The following RFX3 variants were observed in gnomAD, a reference collection of about 807,000 sequenced individuals.
RFX3 encodes transcription factor RFX3.
RFX3 carries 14 observed loss-of-function variants against 98.6 expected under a neutral mutation model. The ratio of observed to expected loss-of-function variants is 0.14; its 90% CI spans 0.09 to 0.22. The LOEUF is 0.22. Among genes scored for constraint, RFX3 ranks in the 10% least tolerant of loss-of-function variants. RFX3 has a pLI of 1.00. For synonymous variants in RFX3, 383 were observed against 328.4 expected, an observed-to-expected ratio of 1.17 and a Z score of -1.80; for missense variants, 639 against 926.9, an observed-to-expected ratio of 0.69 and a Z score of 4.03.
intron 2 of RFX3, among the ~76,000 whole-genome samples, chr9:3,378,307 T>G (rs1020820615): frequency 2.6e-5 from 4 of 152,162 alleles, no homozygotes; most frequent in African/African-American, 9.7e-5. Flanking sequence ...GTAAGCTATA[T>G]GTGGAAAAAT....
chr9:3,483,329 T>C (rs535772519), intron 1 of RFX3, among the ~76,000 whole-genome samples: 2 of 152,256 alleles, frequency 1.3e-5, no homozygotes, highest in Non-Finnish European at 2.9e-5. Context: ...CACCAAGATA[T>C]GTCCAATCTA....
chr9:3,351,708 A>C (rs941191261), intron 2 of RFX3, among the ~76,000 whole-genome samples: 1 of 152,026 alleles, frequency 6.6e-6, no homozygotes, highest in African/African-American at 2.4e-5. Flanking sequence ...AAATGTTAAA[A>C]GCTCAACATT....
At chr9:3,378,211 T>G (rs1838761692) in intron 2 of RFX3, among the ~76,000 whole-genome samples, 1 of 152,194 alleles carries the variant, frequency 6.6e-6, no homozygotes, top group African/African-American at 2.4e-5. Flanking sequence ...ATCTTCAAAT[T>G]GTTACATGAC....
At chr9:3,465,856 A>C (rs1035491905) in intron 1 of RFX3, among the ~76,000 whole-genome samples, 1 of 152,128 alleles carries the variant, frequency 6.6e-6, no homozygotes, top group African/African-American at 2.4e-5. Context: ...AGATAGGGGA[A>C]CTTGACTATT....
intron 1 of RFX3, among the ~76,000 whole-genome samples, chr9:3,521,516 G>A (rs1411399586): frequency 1.3e-5 from 2 of 151,992 alleles, no homozygotes; most frequent in African/African-American, 4.8e-5. Context: ...AGCACCCTCT[G>A]GTGCATCTGT....
At chr9:3,376,816 T>A (rs1007648806) in intron 2 of RFX3, among the ~76,000 whole-genome samples, 2 of 152,078 alleles carry the variant, frequency 1.3e-5, no homozygotes, top group Non-Finnish European at 1.5e-5. Context: ...AAGAAGACAT[T>A]TATGCAGCCA....
At chr9:3,383,545 CAA>C (rs201892204) in intron 2 of RFX3, among the ~76,000 whole-genome samples, 1 of 137,902 alleles carries the variant, frequency 7.3e-6, no homozygotes, top group African/African-American at 2.6e-5. Flanking sequence ...GACTCTTGGC[CAA>C]AAAAAAAAAA....
At chr9:3,270,069 A>G (rs1435416446) in intron 11 of RFX3, among the ~76,000 whole-genome samples, 2 of 147,288 alleles carry the variant, frequency 1.4e-5, no homozygotes, top group African/African-American at 5.1e-5. Context: ...AAAAAGAAAG[A>G]AAGAGAAAGA....
intron 3 of RFX3, among the ~76,000 whole-genome samples, chr9:3,336,378 A>G (rs1029907173): frequency 1.3e-5 from 2 of 152,154 alleles, no homozygotes; most frequent in Admixed American, 1.3e-4. Context: ...TAAGATAATT[A>G]GAAGTTTTCC....
intron 1 of RFX3, among the ~76,000 whole-genome samples, chr9:3,460,891 G>A (rs1005082760): frequency 6.6e-6 from 1 of 151,792 alleles, no homozygotes; most frequent in Non-Finnish European, 1.5e-5. Context: ...TATTACATAT[G>A]TAACAGAGAA....
intron 15 of RFX3, among the ~76,000 whole-genome samples, chr9:3,233,877 A>G (rs552029162): frequency 7.9e-5 from 12 of 152,316 alleles, no homozygotes; most frequent in African/African-American, 2.9e-4. Flanking sequence ...CAATATTGTT[A>G]TTATGTATAA....
intron 1 of RFX3, among the ~76,000 whole-genome samples, chr9:3,443,229 T>G (rs140526007): frequency 2.0e-5 from 3 of 152,348 alleles, no homozygotes; most frequent in Admixed American, 6.5e-5. Flanking sequence ...GCGGTATATG[T>G]GCAGGATGTG....
intron 1 of RFX3, among the ~76,000 whole-genome samples, chr9:3,504,949 A>ATATT (rs1564185962): frequency 1.7e-4 from 4 of 23,536 alleles, no homozygotes; most frequent in African/African-American, 5.6e-4. Flanking sequence ...TATATAATAT[A>ATATT]ATATATATTA....
At chr9:3,474,757 C>T (rs976772546) in intron 1 of RFX3, among the ~76,000 whole-genome samples, 2 of 152,154 alleles carry the variant, frequency 1.3e-5, no homozygotes, top group African/African-American at 2.4e-5. Context: ...TGCAACAATA[C>T]ACCATTAGAA....
chr9:3,269,597 A>G (rs909528933), intron 11 of RFX3, among the ~76,000 whole-genome samples: 1 of 152,162 alleles, frequency 6.6e-6, no homozygotes, highest in Non-Finnish European at 1.5e-5. Flanking sequence ...GGTAGCGTTT[A>G]TATCGATACT....
At chr9:3,227,266 G>C (rs1817886862) in intron 16 of RFX3, among the ~76,000 whole-genome samples, 1 of 152,190 alleles carries the variant, frequency 6.6e-6, no homozygotes, top group South Asian at 2.1e-4. Context: ...CTATTTTGTT[G>C]TGGATGGAAA....
At chr9:3,405,576 C>T (rs772680458) in intron 1 of RFX3, among the ~76,000 whole-genome samples, 2 of 152,194 alleles carry the variant, frequency 1.3e-5, no homozygotes, top group Non-Finnish European at 2.9e-5. Context: ...TCAAATTCTA[C>T]TGACGGCATA....
intron 2 of RFX3, among the ~76,000 whole-genome samples, chr9:3,376,133 G>C (rs1044720182): frequency 3.9e-5 from 6 of 152,118 alleles, no homozygotes; most frequent in African/African-American, 1.4e-4. Flanking sequence ...ACCACAATGA[G>C]ATACCACTAT....
chr9:3,260,617 C>T (rs879877085), intron 13 of RFX3, among the ~76,000 whole-genome samples: 30 of 151,512 alleles, frequency 2.0e-4, no homozygotes, highest in Admixed American at 2.0e-3. Context: ...GACTTTTAAA[C>T]AAATCTTTTC....
Sources: gnomAD v4.1 joint callset for allele counts (sites outside exome capture counted in the v4.1 genomes callset) on GRCh38, gnomAD v4.1.1 for gene constraint, MANE v1.5 for transcripts, NCBI Gene and HGNC (gene_info 2026-07-23, HGNC 2026-07-21) for gene names.